The following NAV1 variants were observed in gnomAD, a reference collection of about 807,000 sequenced individuals.
NAV1 encodes the protein neuron navigator 1, also known as pore membrane and/or filament interacting like protein 3.
Under a neutral mutation model 175.2 loss-of-function variants are expected in NAV1, and 18 were observed. The ratio of observed to expected loss-of-function variants is 0.10; its 90% confidence interval spans 0.07 to 0.15. The LOEUF is 0.15. Ranked by LOEUF, NAV1 falls within the 10% of genes least tolerant of loss-of-function variation. NAV1 has a pLI of 1.00. For synonymous variants in NAV1, 897 were observed against 978.7 expected (o/e 0.92, Z 1.56); for missense variants, 1,731 against 2,436.6 (o/e 0.71, Z 6.10).
chr1:201,560,156 C>A (rs1049430376), intron 1 of NAV1, among the ~76,000 whole-genome samples: 1 of 152,184 alleles, frequency 6.6e-6, no homozygotes, highest in Non-Finnish European at 1.5e-5. Flanking sequence ...TAGGTTCCAT[C>A]TTCTATAAAC....
chr1:201,647,698 G>T (rs1669018930), upstream of NAV1, among the ~76,000 whole-genome samples: 1 of 152,062 alleles, frequency 6.6e-6, no homozygotes, highest in Admixed American at 6.5e-5. Flanking sequence ...CTCAGAGACT[G>T]AAGTAGGGCG....
At chr1:201,795,394 C>T (rs926523778) in intron 15 of NAV1, 2 of 152,078 alleles carry the variant, frequency 1.3e-5, no homozygotes, top group African/African-American at 4.8e-5. Context: ...CAAGAGTGAC[C>T]GCTTATCTAA....
At chr1:201,735,236 C>T (rs1252363009) in intron 3 of NAV1, among the ~76,000 whole-genome samples, 2 of 152,190 alleles carry the variant, frequency 1.3e-5, no homozygotes, top group African/African-American at 2.4e-5. Context: ...TAAAAAGAAG[C>T]CTGCCCCAGG....
intron 15 of NAV1, chr1:201,794,817 C>G (rs780233866): frequency 3.0e-5 from 15 of 495,732 alleles, no homozygotes; most frequent in Non-Finnish European, 4.3e-5. Flanking sequence ...GGGTCCTCTC[C>G]TTAACCTTTA....
chr1:201,667,133 A>G lies in NAV1; in HGVS notation c.757+17708A>G, dbSNP rs141490391. 3.2e-4 allele frequency among the ~76,000 whole-genome samples: 49 copies of G among 152,302 alleles called. No homozygotes were observed. In the South Asian group the frequency reaches 3.7e-3, roughly 12 times the overall value. ...GATGAGTTCTGAGAGATTAAGTGCA[A>G]ACTCTTTCATTTTGCAGATGAGGAA... On this transcript the variant is annotated intron_variant, in intron 1 of 29. Coordinates refer to ENST00000367296, the Ensembl canonical transcript of NAV1.
intron 1 of NAV1, among the ~76,000 whole-genome samples, chr1:201,576,803 A>T (rs376919659): frequency 2.6e-5 from 4 of 152,302 alleles, no homozygotes; most frequent in African/African-American, 2.4e-5. Context: ...TGGTGTTGTC[A>T]TTGCTTTAAA....
chr1:201,729,074 C>T (rs985088319), intron 3 of NAV1, among the ~76,000 whole-genome samples: 1 of 152,194 alleles, frequency 6.6e-6, no homozygotes, highest in Non-Finnish European at 1.5e-5. Flanking sequence ...TGGCTTTTCC[C>T]CCACCAGCTC....
At chr1:201,621,463 A>G (rs1668169170), upstream of NAV1, among the ~76,000 whole-genome samples, 1 of 149,976 alleles carries the variant, frequency 6.7e-6, no homozygotes, top group East Asian at 2.0e-4. Context: ...CCTCCCAAGT[A>G]GCTGGGATTA....
intron 1 of NAV1, among the ~76,000 whole-genome samples, chr1:201,655,135 G>A (rs953621706): frequency 2.6e-5 from 4 of 152,166 alleles, no homozygotes; most frequent in East Asian, 1.9e-4. Flanking sequence ...CCTGACTCAC[G>A]GGCCCAGTGG....
intron 2 of NAV1, among the ~76,000 whole-genome samples, chr1:201,630,521 T>C (rs1278912900): frequency 1.3e-5 from 2 of 152,216 alleles, no homozygotes; most frequent in African/African-American, 4.8e-5. Flanking sequence ...CAGATATCCC[T>C]TCTTGGCCTG....
chr1:201,753,535 T>C (rs77744171), intron 3 of NAV1, among the ~76,000 whole-genome samples: 2,664 of 152,336 alleles, frequency 0.017, 23 homozygotes, highest in African/African-American at 0.021. Flanking sequence ...GGTAATATTT[T>C]ACCTTAATAG....
chr1:201,815,853 C>T (rs1337485682), intron 28 of NAV1, among the ~76,000 whole-genome samples: 1 of 152,220 alleles, frequency 6.6e-6, no homozygotes, highest in African/African-American at 2.4e-5. Flanking sequence ...ATTCTCCTGC[C>T]TCAGCCTCCC....
chr1:201,552,241 A>G (rs1665876927), intron 1 of NAV1, among the ~76,000 whole-genome samples: 1 of 152,206 alleles, frequency 6.6e-6, no homozygotes, highest in African/African-American at 2.4e-5. Context: ...AAAGCCCACA[A>G]TGCCACTCTG....
In NAV1 at chr1:201,694,084, C is replaced by G. The variant is rs1002619212; in HGVS notation, c.758-18733C>G. On this transcript the variant is annotated intron_variant, in intron 1 of 29. Coordinates refer to ENST00000367296, the Ensembl canonical transcript of NAV1. This position sits in a 1 kb window ranked among gnomAD's most constrained non-coding sequence, Gnocchi z 4.2. ...GGACACACACAGACATCAATTCAGTCAAGACTCTGCTCACGCCTGTCCCCA... is the reference window on the plus strand; with the variant it reads ...GGACACACACAGACATCAATTCAGTGAAGACTCTGCTCACGCCTGTCCCCA... 1.3e-5 allele frequency among the ~76,000 whole-genome samples: 2 copies of G among 152,200 alleles called. No individual in the cohort carries two copies. The highest frequency in any genetic ancestry group is 2.9e-5 in the Non-Finnish European group (2 of 68,042).
At chr1:201,669,701 G>T (rs1028885136) in intron 1 of NAV1, among the ~76,000 whole-genome samples, 1 of 152,234 alleles carries the variant, frequency 6.6e-6, no homozygotes. Context: ...AGCTGTTAGA[G>T]CCATCCAGGT....
chr1:201,698,871 C>T (rs114666253), intron 1 of NAV1, among the ~76,000 whole-genome samples: 1,832 of 152,282 alleles, frequency 0.012, 44 homozygotes, highest in East Asian at 0.092. Flanking sequence ...TCTCTTCTGC[C>T]GCTAACTCAA....
At chr1:201,772,887 G>C (rs1030079672) in intron 3 of NAV1, among the ~76,000 whole-genome samples, 3 of 152,088 alleles carry the variant, frequency 2.0e-5, no homozygotes, top group African/African-American at 7.2e-5. Context: ...CAAAAAATTG[G>C]CCGGGCGTGG....
At chr1:201,648,188 C>G (rs757378639), upstream of NAV1, 32 of 977,954 alleles carry the variant, frequency 3.3e-5, 1 homozygote, top group African/African-American at 5.3e-4. Context: ...AGCCTGCAGC[C>G]TCGACTCGGG....
chr1:201,574,745 C>T (rs988837507), intron 1 of NAV1, among the ~76,000 whole-genome samples: 1 of 152,196 alleles, frequency 6.6e-6, no homozygotes, highest in African/African-American at 2.4e-5. Flanking sequence ...CATTGCGCCT[C>T]CTACCACCAC....
Sources: allele counts gnomAD v4.1 joint callset (sites outside exome capture counted in the v4.1 genomes callset), GRCh38; gene constraint gnomAD v4.1.1; non-coding constraint Gnocchi (gnomAD v3.1); transcripts MANE v1.5; gene names NCBI Gene and HGNC (gene_info 2026-07-23, HGNC 2026-07-21).